The following EEF1A2 variants were observed in gnomAD, a reference collection of about 807,000 sequenced individuals.
EEF1A2 encodes eukaryotic translation elongation factor 1 alpha 2.
In EEF1A2, 5 loss-of-function variants were observed where a neutral mutation model predicts 39.3. The observed-to-expected ratio is 0.13, with a 90% confidence interval of 0.07 to 0.27. The LOEUF is 0.27. EEF1A2 is among the 10% of genes least tolerant of loss of function. The pLI is 1.00. For synonymous variants in EEF1A2, 287 were observed against 293.7 expected (o/e 0.98, Z 0.23); for missense variants, 218 against 681.4 (o/e 0.32, Z 7.57).
At chr20:63,495,821 C>T (rs1350887167) in intron 3 of EEF1A2, 35 bp downstream of exon 3, 1 of 1,607,518 alleles carries the variant, frequency 6.2e-7, no homozygotes, top group African/African-American at 1.3e-5. Context: ...GTGCAGCGGC[C>T]TCTCCCCCAG....
chr20:63,495,270 G>A (rs1233860360), intron 3 of EEF1A2, among the ~76,000 whole-genome samples, 169 bp from the exon 4 acceptor site: 1 of 152,216 alleles, frequency 6.6e-6, no homozygotes, highest in African/African-American at 2.4e-5. Flanking sequence ...AGGGCAGCAT[G>A]GGGGCTCATC....
At chr20:63,491,757 G>GT (rs1477079033) in intron 5 of EEF1A2, among the ~76,000 whole-genome samples, 3 of 151,464 alleles carry the variant, frequency 2.0e-5, no homozygotes, top group Non-Finnish European at 3.0e-5. Flanking sequence ...GAGATGGATG[G>GT]ATGGATTGGT....
intron 3 of EEF1A2, 105 bp from the exon 4 acceptor site, chr20:63,495,206 G>T: frequency 1.4e-6 from 2 of 1,469,918 alleles, no homozygotes; most frequent in Admixed American, 4.2e-5. Flanking sequence ...GCGGGCTGGG[G>T]CCTGAGCAGC....
Position 63,497,025 on chromosome 20 carries a change from G to C in EEF1A2, c.144+595C>G, listed in dbSNP as rs1261175410. The C allele has an allele frequency of 6.6e-6, 1 of 152,426 alleles. No homozygotes were observed. The highest frequency in any genetic ancestry group is 1.5e-5 in the Non-Finnish European group (1 of 68,230). The allele number at this position is 152,426 out of a possible 1,614,324, so 9.4% of individuals were successfully genotyped here. ...AGTCCTGGGTGGGGGATGGGGATCAGAGAGCAGACCCCGTCTCATGACCGC... is the reference window on the plus strand; with the variant it reads ...AGTCCTGGGTGGGGGATGGGGATCACAGAGCAGACCCCGTCTCATGACCGC... On this transcript the variant is annotated intron_variant, in intron 2 of 7. Coordinates refer to ENST00000217182, the MANE Select transcript of EEF1A2 (RefSeq NM_001958.5). The surrounding 1 kb of genome is among the most constrained non-coding windows in gnomAD (Gnocchi z 7.3).
intron 5 of EEF1A2, 150 bp from the exon 6 acceptor site, chr20:63,490,885 G>T: frequency 1.1e-6 from 1 of 898,424 alleles, no homozygotes; most frequent in Admixed American, 2.5e-5. Flanking sequence ...GGAGTGCAGG[G>T]GAAGGGAGGC....
At chr20:63,493,363 T>A in intron 4 of EEF1A2, 76 bp from the exon 5 acceptor site, 2 of 1,434,840 alleles carry the variant, frequency 1.4e-6, no homozygotes, top group Non-Finnish European at 1.8e-6. Flanking sequence ...CCAGGGTGCT[T>A]CCAGGAGTAC....
At position 63,497,614 on chromosome 20, in the gene EEF1A2, G is replaced by C. The variant is rs1179785181; in HGVS notation, c.144+6C>G. 1 of 1,610,988 alleles carries C rather than the reference G, an allele frequency of 6.2e-7. No homozygotes were observed. Among genetic ancestry groups the C allele is most frequent in the Non-Finnish European group, 8.5e-7 (1 of 1,178,666 alleles). ...GGGGGCCAAGACCATAGCCTGGGGA[G>C]CTCACCTCAGCCGCCTCCTTCTCGA... On this transcript the variant is annotated splice_donor_region_variant and intron_variant, in intron 2 of 7. Coordinates refer to ENST00000217182, the MANE Select transcript of EEF1A2 (RefSeq NM_001958.5). The surrounding 1 kb of genome is among the most constrained non-coding windows in gnomAD (Gnocchi z 7.3).
Position 63,490,578 on chromosome 20 carries a change from G to A in EEF1A2, c.930C>T (p.Phe310=), listed in dbSNP as rs2145940056. The A allele has an allele frequency of 2.5e-6, 4 of 1,612,782 alleles. No individual in the cohort carries two copies. The highest frequency in any genetic ancestry group is 2.5e-6 in the Non-Finnish European group (3 of 1,179,950). The part of the protein sequence containing the change: ...SEALPGDNVG[F]NVKNVSVKDI... ...CCTTCACCGACACGTTCTTCACATT[G>A]AAGCCGACGTTGTCGCCGGGCAGAG... Residue 310 remains phenylalanine, a synonymous_variant, in exon 6 of 8, where the codon TTC becomes TTT. Coordinates refer to ENST00000217182, the MANE Select transcript of EEF1A2 (RefSeq NM_001958.5).
intron 2 of EEF1A2, chr20:63,496,280 A>T: frequency 1.8e-6 from 1 of 546,538 alleles, no homozygotes; most frequent in Non-Finnish European, 3.3e-6. Flanking sequence ...GTCCACCAGC[A>T]GGTGGCGCAA....
chr20:63,489,789 A>G (rs310605), intron 6 of EEF1A2, among the ~76,000 whole-genome samples: 3 of 151,648 alleles, frequency 2.0e-5, no homozygotes, highest in Non-Finnish European at 2.9e-5. Flanking sequence ...TCTCAAAAAA[A>G]AAATAAATAA....
intron 3 of EEF1A2, among the ~76,000 whole-genome samples, 159 bp downstream of exon 3, chr20:63,495,697 C>T (rs1369718902): frequency 6.6e-6 from 1 of 152,192 alleles, no homozygotes; most frequent in African/African-American, 2.4e-5. Flanking sequence ...CTTAGGGGGG[C>T]TCTGAGCCAG....
At chr20:63,492,134 G>A (rs1487737208) in intron 5 of EEF1A2, among the ~76,000 whole-genome samples, 2 of 1,536 alleles carry the variant, frequency 1.3e-3, no homozygotes, top group African/African-American at 2.6e-3. Flanking sequence ...GGATGGGGAA[G>A]TGGATGGATG....
Position 63,490,539 on chromosome 20 carries a change from G to T in EEF1A2, c.969C>A (p.Gly323=), listed in dbSNP as rs1443878185. 1 of 1,612,750 alleles carries T rather than the reference G, an allele frequency of 6.2e-7. No homozygotes were observed. The highest frequency in any genetic ancestry group is 8.5e-7 in the Non-Finnish European group (1 of 1,179,938). ...KNVSVKDIRR[G]NVCGDSKSDP... Reference sequence around the variant, plus strand: ...CAGACTTGCTGTCCCCACACACGTTGCCCCGCCGGATGTCCTTCACCGACA... The same window carrying T: ...CAGACTTGCTGTCCCCACACACGTTTCCCCGCCGGATGTCCTTCACCGACA... The change falls in exon 6 of 8, where the codon GGC becomes GGA. Residue 323 remains glycine (G), a synonymous_variant. Transcript: ENST00000217182.
chr20:63,496,379 G>A (rs1036483863), intron 2 of EEF1A2: 1 of 309,930 alleles, frequency 3.2e-6, no homozygotes, highest in African/African-American at 2.2e-5. Flanking sequence ...TGAAGCTGCG[G>A]ACGCCCCCAG....
Position 63,498,000 on chromosome 20 carries a change from G to A in EEF1A2, c.-71-166C>T. The A allele has an allele frequency of 2.0e-6, 1 of 508,640 alleles. No individual in the cohort carries two copies. Among genetic ancestry groups the A allele is most frequent in the Non-Finnish European group, 3.5e-6 (1 of 288,762 alleles). 31.5% of individuals were successfully genotyped at this position (508,640 alleles called of 1,614,324 possible). A position where few individuals can be genotyped will look rare whatever the true frequency, so the allele number is the denominator to read the frequency against. On this transcript the variant is annotated intron_variant, in intron 1 of 7. Coordinates refer to ENST00000217182, the MANE Select transcript of EEF1A2 (RefSeq NM_001958.5). This position sits in a 1 kb window ranked among gnomAD's most constrained non-coding sequence, Gnocchi z 7.3. ...CCACCCACAGCTGGGCCTGGCCAGGGCAAGCAGAGGCTGTGCACTGCCCCC... is the reference window on the plus strand; with the variant it reads ...CCACCCACAGCTGGGCCTGGCCAGGACAAGCAGAGGCTGTGCACTGCCCCC...
In EEF1A2 at chr20:63,497,710, G is replaced by C. The variant is rs200759764; in HGVS notation, c.54C>G (p.Ser18=). ...INIVVIGHVD[S]GKSTTTGHLI... is the part of the protein sequence containing the mutation. ...GGTGGCCCGTGGTGGTGGACTTTCC[G>C]GAGTCCACGTGGCCGATGACCACGA... The change falls in exon 2 of 8, where the codon TCC becomes TCG. Residue 18 remains serine, a synonymous_variant. Coordinates refer to ENST00000217182, the MANE Select transcript of EEF1A2 (RefSeq NM_001958.5). The surrounding 1 kb of genome is among the most constrained non-coding windows in gnomAD (Gnocchi z 7.3). 8.1e-5 allele frequency: 130 copies of C among 1,613,034 alleles called. No homozygotes were observed. The African/African-American group carries it at 1.5e-3, about 19-fold the overall frequency.
At chr20:63,490,821 CAA>C in intron 5 of EEF1A2, 86 bp from the exon 6 acceptor site, 1 of 1,479,664 alleles carries the variant, frequency 6.8e-7, no homozygotes, top group East Asian at 2.4e-5. Flanking sequence ...TGGAAACCAA[CAA>C]AGCCTGGGAC....
Position 63,497,318 on chromosome 20 carries a change from T to C in EEF1A2, c.144+302A>G, listed in dbSNP as rs1160744029. ...GGAAGGGGGTAAGGCTCCAGCGCCC[T>C]CCAGCCCCAGCTCAACATGGCAGAG... On this transcript the variant is annotated intron_variant, in intron 2 of 7. Transcript: ENST00000217182. The surrounding 1 kb of genome is among the most constrained non-coding windows in gnomAD (Gnocchi z 7.3). 3 of 295,662 alleles carry C rather than the reference T, an allele frequency of 1.0e-5. No homozygotes were observed. The East Asian group carries it at 2.2e-4, about 22-fold the overall frequency. The allele number at this position is 295,662 out of a possible 1,614,324, so 18.3% of individuals were successfully genotyped here. A position where few individuals can be genotyped will look rare whatever the true frequency, so the allele number is the denominator to read the frequency against.
chr20:63,495,039 C>T lies in EEF1A2; in HGVS notation c.387G>A (p.Lys129=), dbSNP rs754118857. The change falls in exon 4 of 8, where the codon AAG becomes AAA. Residue 129 remains lysine, a synonymous_variant. Coordinates refer to ENST00000217182, the MANE Select transcript of EEF1A2 (RefSeq NM_001958.5). ...GVGEFEAGIS[K]NGQTREHALL... The stretch of plus-strand genomic sequence containing the variant: ...GGGCATGCTCCCGCGTCTGCCCATT[C>T]TTGGAGATGCCCGCCTCGAACTCGC... 6.2e-7 allele frequency: 1 copy of T among 1,612,580 alleles called. No individual in the cohort carries two copies. The highest frequency in any genetic ancestry group is 1.3e-5 in the African/African-American group (1 of 74,934).
Sources: gnomAD v4.1 joint callset for allele counts (sites outside exome capture counted in the v4.1 genomes callset) on GRCh38, gnomAD v4.1.1 for gene constraint, Gnocchi (gnomAD v3.1) non-coding constraint, MANE v1.5 for transcripts, NCBI Gene and HGNC (gene_info 2026-07-23, HGNC 2026-07-21) for gene names.